ZNF705D: variants seen among roughly 807,000 people sequenced by gnomAD.
ZNF705D encodes the protein putative zinc finger protein 705C.
For synonymous variants in ZNF705D, 1 was observed against 43.8 expected, an observed-to-expected ratio of 0.02 and a Z score of 3.86; for missense variants, 6 against 129.4, an observed-to-expected ratio of 0.05 and a Z score of 4.63.
chr8:12,089,982 C>G, the ZNF705D span, among the ~76,000 whole-genome samples: 1 of 52,224 alleles, frequency 1.9e-5, no homozygotes, highest in African/African-American at 3.2e-5. Flanking sequence ...CTTTCTGCCT[C>G]CCGACTGACA....
At chr8:12,107,268 TA>T (rs1802223557), upstream of ZNF705D, among the ~76,000 whole-genome samples, 2 of 47,388 alleles carry the variant, frequency 4.2e-5, 1 homozygote, top group Non-Finnish European at 9.1e-5. Flanking sequence ...CTAAGTGAAA[TA>T]AATCCCTCAA....
At chr8:12,104,338 G>T, upstream of ZNF705D, 1 of 45,564 alleles carries the variant, frequency 2.2e-5, no homozygotes, top group Non-Finnish European at 4.5e-5. Flanking sequence ...CTATTTGTGT[G>T]GTTTATAGTT....
At position 12,110,306 on chromosome 8, in the gene ZNF705D, A is replaced by T. The variant is rs1802258932; in HGVS notation, c.139+280A>T. Among the ~76,000 whole-genome samples, 2 of 79,770 alleles carry T rather than the reference A, an allele frequency of 2.5e-5. 1 individual carries two copies. The highest frequency in any genetic ancestry group is 6.1e-5 in the Non-Finnish European group (2 of 32,602). 52.3% of individuals were successfully genotyped at this position (79,770 alleles called of 152,430 possible). A position where few individuals can be genotyped will look rare whatever the true frequency, so the allele number is the denominator to read the frequency against. The stretch of plus-strand genomic sequence containing the variant: ...TAATACTCATAACAGACCTGGGAAC[A>T]TAATGAATATTTTCAATGTATTAAA... On this transcript the variant is annotated intron_variant, in intron 2 of 4. Transcript: ENST00000400078.
At chr8:12,103,101 AAG>A (rs1395327019), upstream of ZNF705D, among the ~76,000 whole-genome samples, 1 of 85,996 alleles carries the variant, frequency 1.2e-5, no homozygotes. Flanking sequence ...ACCTTGGGGA[AAG>A]AGAGTCTTGC....
downstream of ZNF705D, chr8:12,113,312 A>T (rs1278421117): frequency 8.8e-6 from 5 of 566,214 alleles, no homozygotes; most frequent in African/African-American, 9.7e-5. Flanking sequence ...TAGATGACAC[A>T]GTGTTAGGAA....
Position 12,113,108 on chromosome 8 carries a change from GC to G in ZNF705D, c.854del (p.Ala285ValfsTer?). The G allele has an allele frequency of 7.0e-7, 1 of 1,418,516 alleles. No individual in the cohort carries two copies. Among genetic ancestry groups the G allele is most frequent in the Non-Finnish European group, 9.6e-7 (1 of 1,046,538 alleles). 87.9% of individuals were successfully genotyped at this position (1,418,516 alleles called of 1,614,324 possible). On this transcript the variant is annotated frameshift_variant, in exon 5 of 5. Coordinates refer to ENST00000400078, the Ensembl canonical transcript of ZNF705D. LOFTEE classifies it low-confidence loss of function (END_TRUNC). ...AATTCACATTGGAGAGAAACCACATGCTTGTCTTCTATGTGGGAAGGCCTTC... is the reference window on the plus strand; with the variant it reads ...AATTCACATTGGAGAGAAACCACATGTTGTCTTCTATGTGGGAAGGCCTTC...
upstream of ZNF705D, among the ~76,000 whole-genome samples, chr8:12,107,343 C>G (rs1409018296): frequency 3.5e-5 from 2 of 57,142 alleles, 1 homozygote; most frequent in Non-Finnish European, 7.6e-5. Flanking sequence ...ACTCTGTCGC[C>G]ATCGCTGGAG....
the ZNF705D span, among the ~76,000 whole-genome samples, chr8:12,091,804 T>G: frequency 1.1e-4 from 3 of 27,372 alleles, 1 homozygote; most frequent in Non-Finnish European, 2.9e-4. Flanking sequence ...TTTTTGTTTT[T>G]TTTTTTTAGT....
chr8:12,109,492 C>T (rs1802249478), intron 1 of ZNF705D, among the ~76,000 whole-genome samples: 1 of 82,556 alleles, frequency 1.2e-5, no homozygotes, highest in African/African-American at 3.0e-5. Context: ...TTTATTTCAT[C>T]GCAGTCATGT....
the ZNF705D span, among the ~76,000 whole-genome samples, chr8:12,090,234 C>T: frequency 1.2e-5 from 1 of 81,918 alleles, no homozygotes; most frequent in African/African-American, 2.9e-5. Context: ...TGCCTTTGTG[C>T]TACTTCCTCT....
upstream of ZNF705D, among the ~76,000 whole-genome samples, chr8:12,107,256 C>T (rs1176113148): frequency 6.4e-3 from 274 of 43,040 alleles, 10 homozygotes; most frequent in African/African-American, 0.016. Context: ...AGTGTTGACC[C>T]TCTAAGTGAA....
chr8:12,109,025 T>G (rs1418468492), intron 1 of ZNF705D, among the ~76,000 whole-genome samples: 2 of 94,260 alleles, frequency 2.1e-5, no homozygotes, highest in African/African-American at 6.0e-5. Flanking sequence ...GAGGCTTTCT[T>G]AATCTTTGAA....
the ZNF705D span, among the ~76,000 whole-genome samples, chr8:12,089,885 C>G: frequency 4.2e-5 from 2 of 47,400 alleles, 1 homozygote; most frequent in Non-Finnish European, 1.7e-4. Context: ...CGCTGAAAGG[C>G]GGGTCTCACT....
the ZNF705D span, among the ~76,000 whole-genome samples, chr8:12,090,180 T>C: frequency 1.1e-5 from 1 of 91,386 alleles, no homozygotes; most frequent in African/African-American, 2.7e-5. Context: ...ATGTCTGCCG[T>C]GCCAGGCAGG....
chr8:12,106,373 G>A (rs1346643524), upstream of ZNF705D, among the ~76,000 whole-genome samples: 1 of 94,906 alleles, frequency 1.1e-5, no homozygotes, highest in African/African-American at 2.8e-5. Flanking sequence ...ATGAACAGAT[G>A]TAGAAAATAG....
At chr8:12,103,049 C>T (rs1366544339), upstream of ZNF705D, among the ~76,000 whole-genome samples, 40 of 96,664 alleles carry the variant, frequency 4.1e-4, no homozygotes, top group African/African-American at 1.0e-3. Flanking sequence ...TCCACTCTAA[C>T]ATTGATGGGC....
At chr8:12,089,822 C>G in the ZNF705D span, among the ~76,000 whole-genome samples, 24,265 of 53,452 alleles carry the variant, frequency 0.45, 8,181 homozygotes, top group East Asian at 0.72. Flanking sequence ...ATGGCTGCCT[C>G]TGCTGAGTCA....
upstream of ZNF705D, among the ~76,000 whole-genome samples, chr8:12,105,536 T>C (rs1463865126): frequency 2.8e-5 from 2 of 71,324 alleles, no homozygotes; most frequent in Non-Finnish European, 5.9e-5. Context: ...TCAGGAGTTC[T>C]AGACCAGCCC....
chr8:12,090,197 C>G, the ZNF705D span, among the ~76,000 whole-genome samples: 1 of 89,878 alleles, frequency 1.1e-5, no homozygotes, highest in African/African-American at 2.8e-5. Context: ...CAGGAATGGG[C>G]TACTTGGGGA....
Sources: gnomAD v4.1 joint callset for allele counts (sites outside exome capture counted in the v4.1 genomes callset) on GRCh38, gnomAD v4.1.1 for gene constraint, MANE v1.5 for transcripts, NCBI Gene and HGNC (gene_info 2026-07-23, HGNC 2026-07-21) for gene names.